Variants in VPS54 observed in about 807,000 individuals in gnomAD.
The protein encoded by VPS54 is vacuolar protein sorting-associated protein 54.
VPS54 carries 45 observed loss-of-function variants against 121.5 expected under a neutral mutation model. The observed-to-expected ratio is 0.37, with a 90% CI of 0.29 to 0.47. VPS54 has a LOEUF of 0.47. Among genes scored for constraint, VPS54 ranks in the 20% least tolerant of loss-of-function variants. VPS54 has a pLI of 0.99. For missense variants in VPS54, 1,090 were observed against 1,131.4 expected, an observed-to-expected ratio of 0.96 and a Z score of 0.52; for synonymous variants, 371 against 385.8, an observed-to-expected ratio of 0.96 and a Z score of 0.45.
At chr2:63,903,174 T>C (rs1672762697) in intron 20 of VPS54, among the ~76,000 whole-genome samples, 1 of 152,062 alleles carries the variant, frequency 6.6e-6, no homozygotes, top group Admixed American at 6.5e-5. Context: ...AGACACATCA[T>C]AGTGAAACTG....
chr2:63,954,792 T>C (rs1228936705), intron 7 of VPS54, among the ~76,000 whole-genome samples: 1 of 151,964 alleles, frequency 6.6e-6, no homozygotes, highest in Admixed American at 6.6e-5. Flanking sequence ...AAAAATAACA[T>C]GCTAAACATG....
rs752168719 is a variant in VPS54, at chr2:63,958,032, G to GA, written c.1010+4025dup. ...AATTAGGGACAATGATTATAGACAG[G>GA]AAAAAAAAAGAGTGGAATAAAGTGT... On this transcript the variant is annotated intron_variant, in intron 7 of 22. Coordinates refer to ENST00000272322, the MANE Select transcript of VPS54 (RefSeq NM_016516.3). Among the ~76,000 whole-genome samples the GA allele has an allele frequency of 1.7e-4, 25 of 149,526 alleles. No individual in the cohort carries two copies. The East Asian group carries it at 3.3e-3, about 20-fold the overall frequency.
intron 12 of VPS54, among the ~76,000 whole-genome samples, chr2:63,930,984 A>C (rs1674167745): frequency 6.6e-6 from 1 of 152,238 alleles, no homozygotes; most frequent in African/African-American, 2.4e-5. Context: ...TTCAAGGAGA[A>C]CTACAAACCA....
chr2:63,997,273 T>C (rs964031818), intron 1 of VPS54, among the ~76,000 whole-genome samples: 12 of 152,174 alleles, frequency 7.9e-5, no homozygotes, highest in Non-Finnish European at 5.9e-5. Context: ...TTGAGTAGGA[T>C]TGGTACTAGA....
chr2:63,990,512 C>G (rs1043680027), intron 1 of VPS54, among the ~76,000 whole-genome samples: 31 of 152,262 alleles, frequency 2.0e-4, no homozygotes, highest in Admixed American at 3.9e-4. Flanking sequence ...ATCCACTCAG[C>G]CTGCCTCTCT....
At chr2:63,928,193 C>A (rs541887007) in intron 12 of VPS54, among the ~76,000 whole-genome samples, 2 of 152,252 alleles carry the variant, frequency 1.3e-5, no homozygotes, top group Admixed American at 1.3e-4. Flanking sequence ...AGAAGAACAA[C>A]CCCAAGACAC....
chr2:63,999,643 G>C (rs1188113343), intron 1 of VPS54, among the ~76,000 whole-genome samples: 2 of 152,120 alleles, frequency 1.3e-5, no homozygotes, highest in African/African-American at 4.8e-5. Flanking sequence ...CTAGGTTTGA[G>C]AAGTTCTCTG....
intron 1 of VPS54, among the ~76,000 whole-genome samples, chr2:64,005,127 G>A (rs188377112): frequency 0.035 from 2,236 of 64,438 alleles, 33 homozygotes; most frequent in East Asian, 0.066. Flanking sequence ...TTTTTGAGAC[G>A]GAGTCCCGCT....
At chr2:63,919,427 T>G (rs1673534556) in intron 15 of VPS54, among the ~76,000 whole-genome samples, 1 of 152,130 alleles carries the variant, frequency 6.6e-6, no homozygotes, top group African/African-American at 2.4e-5. Flanking sequence ...TGTCTCAATA[T>G]AGGACACAAA....
intron 7 of VPS54, among the ~76,000 whole-genome samples, chr2:63,949,504 A>C (rs1675140123): frequency 6.6e-6 from 1 of 152,212 alleles, no homozygotes; most frequent in African/African-American, 2.4e-5. Flanking sequence ...AAGTCAGTGA[A>C]CACATTCTTT....
chr2:63,898,959 G>A (rs534964814), intron 21 of VPS54, among the ~76,000 whole-genome samples: 177 of 152,220 alleles, frequency 1.2e-3, no homozygotes, highest in African/African-American at 4.2e-3. Context: ...TAGCTGAGAG[G>A]TGTCAAAGAC....
At chr2:64,007,801 A>C (rs138530615) in intron 1 of VPS54, among the ~76,000 whole-genome samples, 54 of 152,324 alleles carry the variant, frequency 3.5e-4, no homozygotes, top group African/African-American at 1.3e-3. Flanking sequence ...TACCATCCTT[A>C]CACAGGGAAG....
At chr2:64,016,905 G>C (rs1421746034) in intron 1 of VPS54, among the ~76,000 whole-genome samples, 1 of 151,022 alleles carries the variant, frequency 6.6e-6, no homozygotes, top group Non-Finnish European at 1.5e-5. Flanking sequence ...CACTGAACCC[G>C]GCCAAGTGGT....
intron 3 of VPS54, among the ~76,000 whole-genome samples, chr2:63,972,607 C>T (rs1676338579): frequency 6.6e-6 from 1 of 151,842 alleles, no homozygotes; most frequent in African/African-American, 2.4e-5. Flanking sequence ...CAAATTAGGC[C>T]AGGTGCGGTA....
intron 20 of VPS54, among the ~76,000 whole-genome samples, chr2:63,903,931 G>C (rs180839410): frequency 6.6e-6 from 1 of 152,146 alleles, no homozygotes; most frequent in African/African-American, 2.4e-5. Flanking sequence ...GGTTTAATAG[G>C]TCAATGAAAG....
At chr2:63,958,575 C>T (rs917142904) in intron 7 of VPS54, among the ~76,000 whole-genome samples, 2 of 152,062 alleles carry the variant, frequency 1.3e-5, no homozygotes, top group African/African-American at 2.4e-5. Flanking sequence ...ATTAGCCTGG[C>T]GTGGTGGCAC....
chr2:63,946,516 G>A (rs1013175583), intron 9 of VPS54, among the ~76,000 whole-genome samples: 2 of 152,076 alleles, frequency 1.3e-5, no homozygotes, highest in Non-Finnish European at 2.9e-5. Flanking sequence ...GTGCTTGAAA[G>A]AGGGGATGAT....
intron 1 of VPS54, among the ~76,000 whole-genome samples, chr2:63,985,275 C>T (rs1200050473): frequency 6.6e-6 from 1 of 152,092 alleles, no homozygotes; most frequent in Non-Finnish European, 1.5e-5. Context: ...GCCAAGATCA[C>T]GCCACTATAC....
chr2:63,930,085 C>T (rs543716381), intron 12 of VPS54, among the ~76,000 whole-genome samples: 3 of 150,070 alleles, frequency 2.0e-5, no homozygotes, highest in African/African-American at 5.0e-5. Flanking sequence ...ACCAGAGGTA[C>T]GAGGAAGAGC....
Sources: allele counts gnomAD v4.1 joint callset (sites outside exome capture counted in the v4.1 genomes callset), GRCh38; gene constraint gnomAD v4.1.1; transcripts MANE v1.5; gene names NCBI Gene and HGNC (gene_info 2026-07-23, HGNC 2026-07-21).